The following CIBAR2 variants were observed in gnomAD, a reference collection of about 807,000 sequenced individuals.
CIBAR2 encodes CBY1 interacting BAR domain containing 2, also known as CBY1-interacting BAR domain-containing protein 2.
In CIBAR2, 38 loss-of-function variants were observed where a neutral mutation model predicts 36.2. The ratio of observed to expected loss-of-function variants is 1.05; its 90% CI spans 0.81 to 1.38. The LOEUF is 1.38. CIBAR2 is among the 40% of genes most tolerant of loss of function. The probability of loss-of-function intolerance (pLI) is 0.00; values close to 1 mark genes in which losing one functional copy is unlikely to be tolerated. For missense variants in CIBAR2, 481 were observed against 383.4 expected (o/e 1.25, Z -2.13); for synonymous variants, 182 against 149.5 (o/e 1.22, Z -1.58).
At chr16:85,104,969 T>G (rs994407159) in intron 6 of CIBAR2, among the ~76,000 whole-genome samples, 2 of 151,082 alleles carry the variant, frequency 1.3e-5, no homozygotes, top group Non-Finnish European at 3.0e-5. Context: ...AGGGAGGGGG[T>G]TTAGAGCTGT....
chr16:85,107,697 C>G lies in CIBAR2; in HGVS notation c.427-25G>C, dbSNP rs150402534. On this transcript the variant is annotated intron_variant, in intron 4 of 8. Coordinates refer to ENST00000539556, the MANE Select transcript of CIBAR2 (RefSeq NM_198491.3). ...ACTGAAAAACGTGCTGTTAAGGAAC[C>G]AAGTTAAGCCCAGGCAGCCCCGTTG... is the stretch of plus-strand genomic sequence containing the variant. 1.6e-3 allele frequency: 2,661 copies of G among 1,613,918 alleles called. 27 individuals carry two copies. In the African/African-American group the frequency reaches 0.027, roughly 16 times the overall value.
intron 8 of CIBAR2, 74 bp downstream of exon 8, chr16:85,100,065 G>C: frequency 1.7e-6 from 2 of 1,157,326 alleles, no homozygotes. Context: ...TCTAATCCCT[G>C]GGGTTACTAC....
In CIBAR2 at chr16:85,098,681, T is replaced by C; in HGVS notation, c.*504A>G. ...GGGCTCCATATGGTGCTCTGAGCAC[T>C]CTAAATAATAATAATAATAAAACGA... On this transcript the variant is annotated 3_prime_UTR_variant, in exon 9 of 9. Coordinates refer to ENST00000539556, the MANE Select transcript of CIBAR2 (RefSeq NM_198491.3). 3 of 953,970 alleles carry C rather than the reference T, an allele frequency of 3.1e-6. No individual in the cohort carries two copies. The highest frequency in any genetic ancestry group is 3.7e-6 in the Non-Finnish European group (3 of 801,156). 59.1% of individuals were successfully genotyped at this position (953,970 alleles called of 1,614,324 possible).
At chr16:85,105,304 C>T (rs751906668) in intron 6 of CIBAR2, 23 bp downstream of exon 6, 1 of 1,526,592 alleles carries the variant, frequency 6.6e-7, no homozygotes, top group Non-Finnish European at 9.1e-7. Context: ...AGGGCGCCTC[C>T]CATCCCGGCC....
In CIBAR2 at chr16:85,102,274, C is replaced by T. The variant is rs756806008; in HGVS notation, c.591G>A (p.Val197=). 3.1e-6 allele frequency: 5 copies of T among 1,613,886 alleles called. No homozygotes were observed. The South Asian group carries it at 5.5e-5, about 18-fold the overall frequency. ...TCTGGAAGGCGCTAGAATACACCTC[C>T]ACCGCTTTGGCATGGAAAACCATCT... The part of the protein sequence containing the change: ...TIEMVFHAKA[V]EVYSSAFQTL... Residue 197 remains valine (V), a synonymous_variant, in exon 7 of 9, where the codon GTG becomes GTA. Transcript: ENST00000539556.
In CIBAR2 at chr16:85,102,785, T is replaced by G. The variant is rs576760408; in HGVS notation, c.538-458A>C. ...CTGAGATCACGTTGAGAAGTTTCTG[T>G]GTATTCCCGCCTTGTTTCCTTAGAT... On this transcript the variant is annotated intron_variant, in intron 6 of 8. Transcript: ENST00000539556. Among the ~76,000 whole-genome samples, 9 of 152,350 alleles carry G rather than the reference T, an allele frequency of 5.9e-5. No homozygotes were observed. In the East Asian group the frequency reaches 1.7e-3, roughly 29 times the overall value.
rs1404985393 is a variant in CIBAR2 at position 85,098,684 on chromosome 16, A to C, written c.*501T>G. The C allele has an allele frequency of 3.2e-6, 3 of 937,940 alleles. No homozygotes were observed. The highest frequency in any genetic ancestry group is 1.2e-4 in the Admixed American group (2 of 16,202). The allele number at this position is 937,940 out of a possible 1,614,324, so 58.1% of individuals were successfully genotyped here. A position where few individuals can be genotyped will look rare whatever the true frequency, so the allele number is the denominator to read the frequency against. Reference sequence around the variant, plus strand: ...CTCCATATGGTGCTCTGAGCACTCTAAATAATAATAATAATAAAACGACAG... The same window carrying C: ...CTCCATATGGTGCTCTGAGCACTCTCAATAATAATAATAATAAAACGACAG... On this transcript the variant is annotated 3_prime_UTR_variant, in exon 9 of 9. Transcript: ENST00000539556.
chr16:85,108,647 C>T (rs2074016890), intron 2 of CIBAR2, among the ~76,000 whole-genome samples: 1 of 151,774 alleles, frequency 6.6e-6, no homozygotes, highest in Non-Finnish European at 1.5e-5. Flanking sequence ...CCGAGGCGGG[C>T]AGATCACCTG....
chr16:85,104,506 G>A (rs906138325), intron 6 of CIBAR2, among the ~76,000 whole-genome samples: 37 of 152,114 alleles, frequency 2.4e-4, no homozygotes, highest in Admixed American at 2.3e-3. Context: ...TCAGGCGTTC[G>A]AGACCAGCCT....
chr16:85,103,768 C>T (rs2073973337), intron 6 of CIBAR2, among the ~76,000 whole-genome samples: 1 of 152,242 alleles, frequency 6.6e-6, no homozygotes, highest in African/African-American at 2.4e-5. Context: ...CCACTAGGTG[C>T]CAGGCCCTGG....
intron 5 of CIBAR2, 91 bp downstream of exon 5, chr16:85,107,576 C>T (rs904867951): frequency 3.6e-6 from 5 of 1,392,926 alleles, no homozygotes; most frequent in African/African-American, 1.4e-5. Flanking sequence ...ACACCTGCTT[C>T]AGACCAGGTA....
intron 7 of CIBAR2, among the ~76,000 whole-genome samples, chr16:85,101,341 AGATGACAGCCACCTTC>A (rs1334774518): frequency 6.6e-6 from 1 of 152,176 alleles, no homozygotes; most frequent in Non-Finnish European, 1.5e-5. Flanking sequence ...TCCTGTGCTC[AGATGACAGCCACCTTC>A]TGCTAGACAT....
intron 2 of CIBAR2, among the ~76,000 whole-genome samples, chr16:85,108,474 C>T (rs533729717): frequency 2.6e-4 from 39 of 152,320 alleles, no homozygotes; most frequent in African/African-American, 7.7e-4. Flanking sequence ...TCTCTCTACA[C>T]GACAGCCCTG....
intron 5 of CIBAR2, among the ~76,000 whole-genome samples, chr16:85,106,102 G>A (rs571713381): frequency 3.9e-5 from 6 of 152,308 alleles, no homozygotes; most frequent in Admixed American, 3.9e-4. Context: ...AGGAAAGAAG[G>A]GAAAGCTGTT....
chr16:85,106,797 C>G (rs111232162), intron 5 of CIBAR2, among the ~76,000 whole-genome samples: 1,750 of 152,316 alleles, frequency 0.011, 29 homozygotes, highest in African/African-American at 0.04. Context: ...CTCTCCAATC[C>G]TGAGCCAGAA....
chr16:85,108,149 T>C, intron 2 of CIBAR2, 50 bp from the exon 3 acceptor site: 1 of 1,532,944 alleles, frequency 6.5e-7, no homozygotes, highest in East Asian at 2.3e-5. Flanking sequence ...GCTGCCTGCC[T>C]CCAGCCTGGG....
intron 6 of CIBAR2, among the ~76,000 whole-genome samples, chr16:85,104,793 G>A (rs2073982651): frequency 6.6e-6 from 1 of 152,186 alleles, no homozygotes; most frequent in African/African-American, 2.4e-5. Context: ...CAAGAGATGG[G>A]GAAGGAATCT....
chr16:85,107,881 G>C lies in CIBAR2; in HGVS notation c.391C>G (p.Leu131Val). ...TGATCCGAGGGTGACTTCTGCCTCA[G>C]TTTCTCCAGTTTTTCCAGTTGTTTG... The part of the protein sequence containing the change: ...EIKQLEKLEK[L>V]RQKSPSDQQM... Residue 131 changes from leucine (L) to valine (V), a missense_variant, in exon 4 of 9, where the codon CTG becomes GTG. Physicochemically the swap from Leu to Val is conservative, Grantham distance 32. Transcript: ENST00000539556. The C allele has an allele frequency of 6.2e-7, 1 of 1,614,154 alleles. No homozygotes were observed. Among genetic ancestry groups the C allele is most frequent in the Non-Finnish European group, 8.5e-7 (1 of 1,179,984 alleles).
In CIBAR2 at chr16:85,112,405, G is replaced by C; in HGVS notation, c.-53C>G. ...GCTGGGGAATAAGGACAGGGCCCCA[G>C]GGGTCCTGCAGGCCTGGGAGGAGCC... On this transcript the variant is annotated 5_prime_UTR_variant, in exon 1 of 9. Transcript: ENST00000539556. 6.3e-7 allele frequency: 1 copy of C among 1,591,054 alleles called. No individual in the cohort carries two copies.
Sources: allele counts gnomAD v4.1 joint callset (sites outside exome capture counted in the v4.1 genomes callset), GRCh38; gene constraint gnomAD v4.1.1; transcripts MANE v1.5; gene names NCBI Gene and HGNC (gene_info 2026-07-23, HGNC 2026-07-21).